The following ST7 variants were observed in gnomAD, a reference collection of about 807,000 sequenced individuals.
The protein encoded by ST7 is suppression of tumorigenicity 7.
Under a neutral mutation model 78.7 loss-of-function variants are expected in ST7, and 28 were observed. The observed-to-expected ratio is 0.36, with a 90% CI of 0.26 to 0.49. ST7 has a LOEUF of 0.49. ST7 is among the 20% of genes least tolerant of loss of function. The pLI is 0.99. For synonymous variants in ST7, 247 were observed against 249.6 expected (o/e 0.99, Z 0.10); for missense variants, 418 against 696.0 (o/e 0.60, Z 4.49).
chr7:117,172,827 A>T (rs1029660236), intron 10 of ST7, among the ~76,000 whole-genome samples: 1 of 152,248 alleles, frequency 6.6e-6, no homozygotes, highest in African/African-American at 2.4e-5. Context: ...AGCCTTCAGA[A>T]ATAAAACTTT....
At chr7:116,953,726 C>G (rs1284078148) in intron 1 of ST7, 35 bp downstream of exon 1, 2 of 1,374,550 alleles carry the variant, frequency 1.5e-6, no homozygotes, top group Non-Finnish European at 9.6e-7. Flanking sequence ...GGCGCCCACC[C>G]CTCCCCCGCC....
intron 7 of ST7, among the ~76,000 whole-genome samples, chr7:117,134,847 A>G (rs1804651464): frequency 6.6e-6 from 1 of 151,846 alleles, no homozygotes; most frequent in East Asian, 1.9e-4. Flanking sequence ...ACCTCACCAC[A>G]TTGTTTAAAG....
At position 117,013,769 on chromosome 7, in the gene ST7, G is replaced by A. The variant is rs952749485; in HGVS notation, c.151+60078G>A. Among the ~76,000 whole-genome samples, 6 of 152,136 alleles carry A rather than the reference G, an allele frequency of 3.9e-5. No homozygotes were observed. In the East Asian group the frequency reaches 1.2e-3, roughly 29 times the overall value. ...AATTGCTTGAACCCAGGAGGCAGAGGCTGCAGTGAGGCGAGATCACGCCAC... is the reference window on the plus strand; with the variant it reads ...AATTGCTTGAACCCAGGAGGCAGAGACTGCAGTGAGGCGAGATCACGCCAC... On this transcript the variant is annotated intron_variant, in intron 1 of 15. Coordinates refer to ENST00000323984, the MANE Select transcript of ST7 (RefSeq NM_001369598.1).
intron 10 of ST7, among the ~76,000 whole-genome samples, chr7:117,178,341 C>CA (rs1808494400): frequency 6.6e-6 from 1 of 152,044 alleles, no homozygotes; most frequent in East Asian, 1.9e-4. Flanking sequence ...AACAAAAATA[C>CA]AAAAAAACAG....
intron 1 of ST7, among the ~76,000 whole-genome samples, chr7:117,020,934 G>A (rs141962014): frequency 3.9e-5 from 6 of 152,212 alleles, no homozygotes; most frequent in African/African-American, 1.2e-4. Context: ...ATTGTTGTAG[G>A]CTCCGTAATG....
intron 1 of ST7, among the ~76,000 whole-genome samples, chr7:116,963,360 T>C (rs1792931941): frequency 6.6e-6 from 1 of 152,246 alleles, no homozygotes; most frequent in African/African-American, 2.4e-5. Context: ...CAGTTGCTGA[T>C]GTGTTACCAT....
chr7:117,004,528 G>A (rs1399548384), intron 1 of ST7, among the ~76,000 whole-genome samples: 2 of 152,258 alleles, frequency 1.3e-5, no homozygotes, highest in East Asian at 1.9e-4. Context: ...GGGTGTGGTG[G>A]CAGATGCCTG....
intron 1 of ST7, among the ~76,000 whole-genome samples, chr7:116,984,866 A>G (rs891178584): frequency 6.6e-6 from 1 of 152,176 alleles, no homozygotes; most frequent in African/African-American, 2.4e-5. Context: ...TAAAACTGGC[A>G]TTACCCTTGA....
At chr7:117,031,895 T>TTTGGCAATGGAGTCTTGC (rs1796616283) in intron 1 of ST7, among the ~76,000 whole-genome samples, 2 of 134,366 alleles carry the variant, frequency 1.5e-5, no homozygotes, top group South Asian at 2.4e-4. Context: ...TTTTTTTTTT[T>TTTGGCAATGGAGTCTTGC]TTTGGCAATG....
chr7:117,137,694 A>G (rs1330593869), intron 8 of ST7, among the ~76,000 whole-genome samples: 2 of 152,174 alleles, frequency 1.3e-5, no homozygotes, highest in Non-Finnish European at 2.9e-5. Context: ...CAGGTGTGTC[A>G]TATTTTCTCA....
At chr7:117,090,566 A>G (rs968689658) in intron 1 of ST7, among the ~76,000 whole-genome samples, 7 of 152,276 alleles carry the variant, frequency 4.6e-5, no homozygotes, top group South Asian at 2.1e-4. Flanking sequence ...TTTCTCTTCA[A>G]TGTAACTATG....
At chr7:117,192,718 A>G (rs1325992251) in intron 12 of ST7, among the ~76,000 whole-genome samples, 1 of 152,110 alleles carries the variant, frequency 6.6e-6, no homozygotes, top group East Asian at 1.9e-4. Flanking sequence ...TTGGTTAGAT[A>G]TTTTGATTGA....
intron 14 of ST7, among the ~76,000 whole-genome samples, chr7:117,220,754 G>A (rs1178775126): frequency 6.6e-6 from 1 of 152,212 alleles, no homozygotes; most frequent in African/African-American, 2.4e-5. Flanking sequence ...CACATTAAAA[G>A]TATAATTATA....
At chr7:117,182,614 T>G (rs534343328) in intron 10 of ST7, 1 of 151,956 alleles carries the variant, frequency 6.6e-6, no homozygotes, top group Non-Finnish European at 1.5e-5. Flanking sequence ...AGGTGGGGGG[T>G]ATTGTTGACC....
chr7:117,137,177 T>C (rs1173613515), intron 8 of ST7: 10 of 152,168 alleles, frequency 6.6e-5, no homozygotes, highest in Admixed American at 6.6e-4. Context: ...AAACTTGGGT[T>C]TGGTGTAGAA....
intron 12 of ST7, among the ~76,000 whole-genome samples, chr7:117,201,273 T>A (rs1232519240): frequency 2.0e-5 from 3 of 152,198 alleles, no homozygotes; most frequent in African/African-American, 7.2e-5. Context: ...TGTGGAAATA[T>A]GACCCAGAGG....
At chr7:117,050,050 CAA>C (rs56002625) in intron 1 of ST7, among the ~76,000 whole-genome samples, 178 of 132,520 alleles carry the variant, frequency 1.3e-3, no homozygotes, top group Non-Finnish European at 1.4e-3. Flanking sequence ...ACTAAAAATA[CAA>C]AAAAAAAAAA....
chr7:117,165,076 C>CCG (rs1807439810), intron 9 of ST7, among the ~76,000 whole-genome samples: 3 of 152,104 alleles, frequency 2.0e-5, no homozygotes, highest in African/African-American at 7.2e-5. Flanking sequence ...TGGCTAGTAA[C>CCG]TATAGAAAGG....
intron 10 of ST7, among the ~76,000 whole-genome samples, chr7:117,173,141 A>G (rs1031718253): frequency 1.1e-4 from 17 of 152,310 alleles, no homozygotes; most frequent in Non-Finnish European, 2.5e-4. Flanking sequence ...CACCATACCA[A>G]GGCCCTTGTG....
Sources: gnomAD v4.1 joint callset for allele counts (sites outside exome capture counted in the v4.1 genomes callset) on GRCh38, gnomAD v4.1.1 for gene constraint, MANE v1.5 for transcripts, NCBI Gene and HGNC (gene_info 2026-07-23, HGNC 2026-07-21) for gene names.